FAM107B: variants seen among roughly 807,000 people sequenced by gnomAD.
The protein encoded by FAM107B is protein FAM107B.
Under a neutral mutation model 31.5 loss-of-function variants are expected in FAM107B, and 21 were observed. The ratio of observed to expected loss-of-function variants is 0.67; its 90% CI spans 0.47 to 0.96. The LOEUF (loss-of-function observed/expected upper bound fraction) is 0.96, where lower values mean the gene tolerates loss of function less well. FAM107B is among the 40% of genes least tolerant of loss of function. FAM107B has a pLI of 0.00. For synonymous variants in FAM107B, 157 were observed against 141.5 expected, an observed-to-expected ratio of 1.11 and a Z score of -0.78; for missense variants, 452 against 377.1, an observed-to-expected ratio of 1.20 and a Z score of -1.64.
intron 1 of FAM107B, among the ~76,000 whole-genome samples, chr10:14,768,179 T>C (rs1198750603): frequency 6.6e-6 from 1 of 152,158 alleles, no homozygotes; most frequent in Non-Finnish European, 1.5e-5. Flanking sequence ...ATGGAAAATA[T>C]CTTGTGTTCA....
chr10:14,680,176 A>G (rs1854796047), intron 1 of FAM107B, among the ~76,000 whole-genome samples: 2 of 152,266 alleles, frequency 1.3e-5, no homozygotes, highest in Admixed American at 6.5e-5. Context: ...TGGAAGTCTT[A>G]CATTCTTGAG....
At chr10:14,706,003 A>G (rs937830258) in intron 1 of FAM107B, among the ~76,000 whole-genome samples, 3 of 152,166 alleles carry the variant, frequency 2.0e-5, no homozygotes, top group African/African-American at 7.2e-5. Flanking sequence ...CTCCTATACA[A>G]TAGGAGCTAT....
intron 2 of FAM107B, among the ~76,000 whole-genome samples, chr10:14,600,726 A>G (rs548693830): frequency 6.6e-6 from 1 of 152,268 alleles, no homozygotes; most frequent in South Asian, 2.1e-4. Context: ...TGCAGCCTCG[A>G]ACTCCTGGGC....
At chr10:14,525,159 C>T (rs926762086) in intron 3 of FAM107B, among the ~76,000 whole-genome samples, 1 of 152,200 alleles carries the variant, frequency 6.6e-6, no homozygotes, top group African/African-American at 2.4e-5. Context: ...GAGATAGTGT[C>T]GACAGACAGA....
At chr10:14,573,920 A>C (rs67477299) in intron 2 of FAM107B, among the ~76,000 whole-genome samples, 20,177 of 147,910 alleles carry the variant, frequency 0.14, 1,453 homozygotes, top group Non-Finnish European at 0.15. Flanking sequence ...AACAAACAAA[A>C]AAAAAAAACC....
chr10:14,583,583 G>A (rs1037969325), intron 2 of FAM107B, among the ~76,000 whole-genome samples: 4 of 152,048 alleles, frequency 2.6e-5, no homozygotes, highest in African/African-American at 4.8e-5. Context: ...AAGTGGTCGC[G>A]GAAGTTGTGG....
At chr10:14,575,820 G>A (rs1335063029) in intron 2 of FAM107B, among the ~76,000 whole-genome samples, 2 of 152,154 alleles carry the variant, frequency 1.3e-5, no homozygotes, top group African/African-American at 4.8e-5. Context: ...GTGACCCTCA[G>A]TATAAAAACA....
chr10:14,528,047 GA>G, intron 3 of FAM107B: 1 of 376,094 alleles, frequency 2.7e-6, no homozygotes, highest in Non-Finnish European at 5.1e-6. Context: ...ATCCTTCAAA[GA>G]AAAGGGAGAA....
chr10:14,692,644 G>A (rs1424732198), intron 1 of FAM107B, among the ~76,000 whole-genome samples: 1 of 152,064 alleles, frequency 6.6e-6, no homozygotes, highest in African/African-American at 2.4e-5. Context: ...ACTATTAATG[G>A]TGTCCCCGTG....
intron 1 of FAM107B, among the ~76,000 whole-genome samples, chr10:14,758,035 G>A (rs948904519): frequency 1.3e-5 from 2 of 152,110 alleles, no homozygotes; most frequent in Non-Finnish European, 2.9e-5. Context: ...AATTCTCTTT[G>A]CAAGATAGGA....
At chr10:14,680,757 G>A (rs1283266096) in intron 1 of FAM107B, among the ~76,000 whole-genome samples, 3 of 152,234 alleles carry the variant, frequency 2.0e-5, no homozygotes, top group Middle Eastern at 3.4e-3. Context: ...TGTCACTCCT[G>A]TTTTAGCATG....
chr10:14,663,556 T>A (rs1265610217), intron 2 of FAM107B: 2 of 152,226 alleles, frequency 1.3e-5, no homozygotes, highest in Non-Finnish European at 2.9e-5. Context: ...GGGGTACCCA[T>A]TGACAGCAAA....
chr10:14,726,273 G>A (rs1476525681), intron 1 of FAM107B, among the ~76,000 whole-genome samples: 5 of 152,100 alleles, frequency 3.3e-5, no homozygotes, highest in South Asian at 2.1e-4. Flanking sequence ...GATTACAGGC[G>A]TGAGCCACCG....
At chr10:14,721,971 G>T (rs1855922545) in intron 1 of FAM107B, among the ~76,000 whole-genome samples, 1 of 152,044 alleles carries the variant, frequency 6.6e-6, no homozygotes, top group African/African-American at 2.4e-5. Context: ...GGGTTTTTAT[G>T]GTTTTAGGTC....
At chr10:14,685,142 A>ATTTTT (rs59475861) in intron 1 of FAM107B, among the ~76,000 whole-genome samples, 1 of 36,774 alleles carries the variant, frequency 2.7e-5, no homozygotes, top group Non-Finnish European at 5.2e-5. Flanking sequence ...ACATCCTTTT[A>ATTTTT]TTTTTTTTTT....
At chr10:14,579,667 C>T (rs1297326896) in intron 2 of FAM107B, among the ~76,000 whole-genome samples, 2 of 152,178 alleles carry the variant, frequency 1.3e-5, no homozygotes, top group Non-Finnish European at 2.9e-5. Context: ...ACTCAATACC[C>T]CATATTAGGA....
At chr10:14,580,453 G>A (rs1201806222) in intron 2 of FAM107B, among the ~76,000 whole-genome samples, 1 of 152,094 alleles carries the variant, frequency 6.6e-6, no homozygotes, top group Non-Finnish European at 1.5e-5. Context: ...TCTGTATTAA[G>A]TGTGGTTTTG....
intron 3 of FAM107B, among the ~76,000 whole-genome samples, chr10:14,527,039 G>A (rs1317047085): frequency 1.3e-5 from 2 of 151,940 alleles, no homozygotes; most frequent in Non-Finnish European, 2.9e-5. Flanking sequence ...GGGTTTCACC[G>A]TGTTAGCTAG....
chr10:14,766,350 T>C (rs1198126613), intron 1 of FAM107B, among the ~76,000 whole-genome samples: 1 of 152,220 alleles, frequency 6.6e-6, no homozygotes, highest in Admixed American at 6.5e-5. Context: ...ATTTGCAGCA[T>C]GAGTTCTGCA....
Sources: gnomAD v4.1 joint callset for allele counts (sites outside exome capture counted in the v4.1 genomes callset) on GRCh38, gnomAD v4.1.1 for gene constraint, MANE v1.5 for transcripts, NCBI Gene and HGNC (gene_info 2026-07-23, HGNC 2026-07-21) for gene names.